Variants in PTBP3 observed in about 807,000 individuals in gnomAD.
PTBP3 encodes polypyrimidine tract binding protein 3.
A neutral mutation model predicts 58.7 loss-of-function variants in PTBP3; 20 were observed. The ratio of observed to expected loss-of-function variants is 0.34; its 90% confidence interval spans 0.24 to 0.50. PTBP3 has a LOEUF of 0.50. Ranked by LOEUF, PTBP3 falls within the 20% of genes least tolerant of loss-of-function variation. The pLI is 0.98. For missense variants in PTBP3, 509 were observed against 637.2 expected, an observed-to-expected ratio of 0.80 and a Z score of 2.17; for synonymous variants, 185 against 219.8, an observed-to-expected ratio of 0.84 and a Z score of 1.40.
At chr9:112,363,425 G>A in the PTBP3 span, among the ~76,000 whole-genome samples, 2 of 151,668 alleles carry the variant, frequency 1.3e-5, no homozygotes, top group African/African-American at 2.4e-5. Flanking sequence ...AGGCTGAAGT[G>A]GGCCGACTGC....
At chr9:112,266,056 A>C (rs1246548648) in intron 4 of PTBP3, among the ~76,000 whole-genome samples, 1 of 152,180 alleles carries the variant, frequency 6.6e-6, no homozygotes, top group East Asian at 1.9e-4. Flanking sequence ...GTATTTAAAA[A>C]TTCATAGAGA....
At chr9:112,267,665 C>T (rs1468181536) in intron 4 of PTBP3, among the ~76,000 whole-genome samples, 2 of 152,144 alleles carry the variant, frequency 1.3e-5, no homozygotes, top group Non-Finnish European at 2.9e-5. Context: ...ATAAACAATT[C>T]TAAAAATTTT....
intron 7 of PTBP3, among the ~76,000 whole-genome samples, chr9:112,237,046 T>C (rs1228328767): frequency 6.6e-6 from 1 of 152,130 alleles, no homozygotes; most frequent in African/African-American, 2.4e-5. Flanking sequence ...GAGAGAGCTC[T>C]AGCAAGCAGT....
chr9:112,239,815 A>G (rs1835573695), intron 7 of PTBP3, among the ~76,000 whole-genome samples: 1 of 70,126 alleles, frequency 1.4e-5, no homozygotes, highest in South Asian at 6.5e-4. Context: ...GGAAGGAAGG[A>G]AGGGAGGAAG....
chr9:112,267,332 AT>A (rs1348127334), intron 4 of PTBP3, among the ~76,000 whole-genome samples: 1 of 151,680 alleles, frequency 6.6e-6, no homozygotes, highest in Non-Finnish European at 1.5e-5. Flanking sequence ...CGCCCGGCTA[AT>A]TTTTTTTGTA....
chr9:112,303,466 C>A (rs1379872338), intron 1 of PTBP3, among the ~76,000 whole-genome samples: 2 of 152,102 alleles, frequency 1.3e-5, no homozygotes, highest in Admixed American at 6.6e-5. Context: ...CTTATTTGTG[C>A]CTTATACTAG....
At chr9:112,371,197 T>C in the PTBP3 span, among the ~76,000 whole-genome samples, 11 of 152,236 alleles carry the variant, frequency 7.2e-5, no homozygotes, top group African/African-American at 2.4e-4. Context: ...CTTACTCACC[T>C]GTTTTGGGTA....
intron 3 of PTBP3, among the ~76,000 whole-genome samples, chr9:112,270,969 G>A (rs1827361144): frequency 6.6e-6 from 1 of 151,998 alleles, no homozygotes. Flanking sequence ...TGGGATTACA[G>A]GTGCACGCCA....
At position 112,268,277 on chromosome 9, in the gene PTBP3, C is replaced by G. The variant is rs185121009; in HGVS notation, c.205-82G>C. ...ATATATTTTGCCATTCTAGCTTGCT[C>G]TAAACCCATGCACTCTCAAGTAAAA... On this transcript the variant is annotated intron_variant, in intron 3 of 13. Coordinates refer to ENST00000374257, the MANE Select transcript of PTBP3 (RefSeq NM_001163788.4). 6.3e-6 allele frequency: 9 copies of G among 1,421,694 alleles called. No homozygotes were observed. The Admixed American group carries it at 1.5e-4, about 24-fold the overall frequency. The allele number at this position is 1,421,694 out of a possible 1,614,324, so 88.1% of individuals were successfully genotyped here.
At chr9:112,356,089 T>C in the PTBP3 span, among the ~76,000 whole-genome samples, 1 of 151,150 alleles carries the variant, frequency 6.6e-6, no homozygotes, top group African/African-American at 2.4e-5. Context: ...TGGATTCTCC[T>C]GCCTCAGCCT....
intron 7 of PTBP3, among the ~76,000 whole-genome samples, chr9:112,242,991 C>G (rs1835720811): frequency 6.6e-6 from 1 of 152,158 alleles, no homozygotes; most frequent in Non-Finnish European, 1.5e-5. Context: ...ATTAGATTGG[C>G]AACTTTGTTG....
At chr9:112,302,698 C>T (rs1052642181) in intron 1 of PTBP3, among the ~76,000 whole-genome samples, 1 of 147,350 alleles carries the variant, frequency 6.8e-6, no homozygotes, top group Non-Finnish European at 1.5e-5. Context: ...CAATGATTCT[C>T]GTGTCTCAGC....
At chr9:112,363,532 A>ACACACT in the PTBP3 span, among the ~76,000 whole-genome samples, 46 of 123,494 alleles carry the variant, frequency 3.7e-4, no homozygotes, top group African/African-American at 1.3e-3. Context: ...ACACACACAC[A>ACACACT]CACACACACA....
At chr9:112,277,110 C>T (rs901830841) in intron 2 of PTBP3, among the ~76,000 whole-genome samples, 2 of 152,094 alleles carry the variant, frequency 1.3e-5, no homozygotes, top group African/African-American at 2.4e-5. Flanking sequence ...CGTATCCATC[C>T]ATATCTGTGG....
chr9:112,357,227 T>C, the PTBP3 span, among the ~76,000 whole-genome samples: 1 of 152,182 alleles, frequency 6.6e-6, no homozygotes, highest in Non-Finnish European at 1.5e-5. Context: ...GAAATTCTCT[T>C]GCATAACCCA....
intron 7 of PTBP3, among the ~76,000 whole-genome samples, chr9:112,248,597 T>C (rs1835977922): frequency 6.6e-6 from 1 of 152,218 alleles, no homozygotes; most frequent in South Asian, 2.1e-4. Context: ...TATGTTAAGA[T>C]ACCATTTACC....
chr9:112,322,787 C>A (rs538127071), intron 1 of PTBP3, among the ~76,000 whole-genome samples: 8 of 152,328 alleles, frequency 5.3e-5, no homozygotes, highest in African/African-American at 1.9e-4. Flanking sequence ...AACCACAGAA[C>A]CAACCCAACT....
rs971025667 is a variant in PTBP3 at position 112,221,493 on chromosome 9, A to G, written c.*2358T>C. The G allele has an allele frequency of 4.1e-6, 4 of 985,444 alleles. No individual in the cohort carries two copies. Among genetic ancestry groups the G allele is most frequent in the Non-Finnish European group, 4.8e-6 (4 of 829,630 alleles). The allele number at this position is 985,444 out of a possible 1,614,324, so 61.0% of individuals were successfully genotyped here. Reference sequence around the variant, plus strand: ...AGTAATTCCTAACTTAAAGTAAATGAAATAATCCAATTTAACATGGCACTG... The same window carrying G: ...AGTAATTCCTAACTTAAAGTAAATGGAATAATCCAATTTAACATGGCACTG... On this transcript the variant is annotated 3_prime_UTR_variant, in exon 14 of 14. Transcript: ENST00000374257.
At chr9:112,237,706 C>G (rs1223151591) in intron 7 of PTBP3, among the ~76,000 whole-genome samples, 1 of 152,148 alleles carries the variant, frequency 6.6e-6, no homozygotes, top group African/African-American at 2.4e-5. Context: ...AGGCCAGAAG[C>G]AAATCCCAGG....
Sources: gnomAD v4.1 joint callset for allele counts (sites outside exome capture counted in the v4.1 genomes callset) on GRCh38, gnomAD v4.1.1 for gene constraint, MANE v1.5 for transcripts, NCBI Gene and HGNC (gene_info 2026-07-23, HGNC 2026-07-21) for gene names.